Variants in MAF observed in about 807,000 individuals in gnomAD.
The protein encoded by MAF is MAF bZIP transcription factor.
A neutral mutation model predicts 22.0 loss-of-function variants in MAF; 10 were observed. The observed-to-expected ratio is 0.45, with a 90% CI of 0.28 to 0.77. The LOEUF (loss-of-function observed/expected upper bound fraction) is 0.77, where lower values mean the gene tolerates loss of function less well. Among genes scored for constraint, MAF ranks in the 30% least tolerant of loss-of-function variants. The probability of loss-of-function intolerance (pLI) is 0.12; values close to 1 mark genes in which losing one functional copy is unlikely to be tolerated. For synonymous variants in MAF, 337 were observed against 255.8 expected, an observed-to-expected ratio of 1.32 and a Z score of -3.03; for missense variants, 544 against 548.4, an observed-to-expected ratio of 0.99 and a Z score of 0.08.
the MAF span, among the ~76,000 whole-genome samples, chr16:79,497,307 C>T: frequency 6.6e-6 from 1 of 152,190 alleles, no homozygotes. Context: ...ACTAGTCTCC[C>T]CTTAGAAGGC....
At chr16:79,394,366 G>A in the MAF span, among the ~76,000 whole-genome samples, 6 of 152,048 alleles carry the variant, frequency 3.9e-5, no homozygotes, top group Non-Finnish European at 8.8e-5. Flanking sequence ...GATTTCTGCC[G>A]GGAGGCTCTC....
chr16:79,382,879 T>C, the MAF span, among the ~76,000 whole-genome samples: 3 of 152,200 alleles, frequency 2.0e-5, no homozygotes, highest in South Asian at 4.1e-4. Flanking sequence ...GGTGACAGAA[T>C]GGGAACACTT....
the MAF span, among the ~76,000 whole-genome samples, chr16:79,315,199 T>C: frequency 6.6e-6 from 1 of 152,190 alleles, no homozygotes. Flanking sequence ...CCTGCCCTTG[T>C]GGAGTTTACA....
At chr16:79,375,689 A>G in the MAF span, among the ~76,000 whole-genome samples, 1 of 152,190 alleles carries the variant, frequency 6.6e-6, no homozygotes. Context: ...CAACCAAGTC[A>G]AAAAGGAATT....
the MAF span, among the ~76,000 whole-genome samples, chr16:79,283,089 T>A: frequency 6.6e-6 from 1 of 152,224 alleles, no homozygotes; most frequent in Non-Finnish European, 1.5e-5. Flanking sequence ...TGTTTCTGAT[T>A]CATCTTTGTA....
At chr16:79,447,626 T>C in the MAF span, among the ~76,000 whole-genome samples, 1 of 152,142 alleles carries the variant, frequency 6.6e-6, no homozygotes, top group African/African-American at 2.4e-5. Context: ...CTAGATGCCA[T>C]TAGAAACGTT....
the MAF span, among the ~76,000 whole-genome samples, chr16:79,364,724 A>T: frequency 6.6e-6 from 1 of 152,232 alleles, no homozygotes; most frequent in African/African-American, 2.4e-5. Context: ...GTGCTGACGT[A>T]ATTACCTACA....
chr16:79,454,679 C>A, the MAF span, among the ~76,000 whole-genome samples: 1 of 152,196 alleles, frequency 6.6e-6, no homozygotes, highest in Non-Finnish European at 1.5e-5. Flanking sequence ...CCTGTTCTTT[C>A]AAACATCTGC....
chr16:79,394,983 T>G, the MAF span, among the ~76,000 whole-genome samples: 277 of 152,330 alleles, frequency 1.8e-3, 1 homozygote, highest in Non-Finnish European at 3.6e-3. Flanking sequence ...AGCACAGAGC[T>G]TAATACATAG....
At chr16:79,537,982 T>C in the MAF span, among the ~76,000 whole-genome samples, 1 of 152,224 alleles carries the variant, frequency 6.6e-6, no homozygotes, top group Non-Finnish European at 1.5e-5. Context: ...AACTTTGTTC[T>C]ATAATTAATG....
the MAF span, among the ~76,000 whole-genome samples, chr16:79,286,815 C>T: frequency 6.6e-6 from 1 of 152,308 alleles, no homozygotes; most frequent in African/African-American, 2.4e-5. Context: ...GCTTTGTGTG[C>T]CTCTGCACAA....
the MAF span, among the ~76,000 whole-genome samples, chr16:79,299,180 G>A: frequency 6.6e-6 from 1 of 152,026 alleles, no homozygotes; most frequent in East Asian, 1.9e-4. Context: ...GTTAATGGGC[G>A]ACCTTTGCCC....
chr16:79,247,366 T>C, the MAF span, among the ~76,000 whole-genome samples: 1 of 152,222 alleles, frequency 6.6e-6, no homozygotes, highest in East Asian at 1.9e-4. Flanking sequence ...AGTCCCATAT[T>C]ATCAATGGCA....
chr16:79,262,076 G>A, the MAF span, among the ~76,000 whole-genome samples: 1 of 152,158 alleles, frequency 6.6e-6, no homozygotes, highest in East Asian at 1.9e-4. Flanking sequence ...GGGCAGAATG[G>A]CCAGGGAGGG....
the MAF span, among the ~76,000 whole-genome samples, chr16:79,517,675 A>G: frequency 1.4e-5 from 2 of 146,200 alleles, no homozygotes; most frequent in Non-Finnish European, 3.0e-5. Context: ...CCTGGGTTCC[A>G]GTGATTCTCC....
chr16:79,204,495 A>G, the MAF span: 33 of 152,224 alleles, frequency 2.2e-4, no homozygotes, highest in Non-Finnish European at 3.8e-4. Flanking sequence ...ATAATTCTGA[A>G]TGTTACAACT....
the MAF span, among the ~76,000 whole-genome samples, chr16:79,391,417 G>A: frequency 6.6e-6 from 1 of 152,178 alleles, no homozygotes; most frequent in Non-Finnish European, 1.5e-5. Flanking sequence ...TAGGAGGGAA[G>A]CAATTGACTC....
chr16:79,563,120 G>A, the MAF span, among the ~76,000 whole-genome samples: 5 of 152,108 alleles, frequency 3.3e-5, no homozygotes, highest in South Asian at 2.1e-4. Flanking sequence ...AGGATTTATC[G>A]TACGGGCTGA....
chr16:79,211,875 C>T, the MAF span: 2 of 1,590,998 alleles, frequency 1.3e-6, no homozygotes, highest in Admixed American at 1.8e-5. Flanking sequence ...GGGCCCCTTC[C>T]AAATGTCCCT....
Sources: allele counts gnomAD v4.1 joint callset (sites outside exome capture counted in the v4.1 genomes callset), GRCh38; gene constraint gnomAD v4.1.1; transcripts MANE v1.5; gene names NCBI Gene and HGNC (gene_info 2026-07-23, HGNC 2026-07-21).